Variants in GLG1 observed in about 807,000 individuals in gnomAD.
The protein encoded by GLG1 is Golgi apparatus protein 1.
Under a neutral mutation model 160.5 loss-of-function variants are expected in GLG1, and 38 were observed. The ratio of observed to expected loss-of-function variants is 0.24; its 90% CI spans 0.18 to 0.31. The LOEUF (loss-of-function observed/expected upper bound fraction) is 0.31, where lower values mean the gene tolerates loss of function less well. Ranked by LOEUF, GLG1 falls within the 10% of genes least tolerant of loss-of-function variation. The pLI is 1.00. For synonymous variants in GLG1, 644 were observed against 543.4 expected (o/e 1.19, Z -2.57); for missense variants, 1,373 against 1,505.2 (o/e 0.91, Z 1.45).
intron 2 of GLG1, among the ~76,000 whole-genome samples, chr16:74,516,712 G>A (rs2016989043): frequency 3.3e-5 from 5 of 152,166 alleles, no homozygotes. Flanking sequence ...GATCGGAGCA[G>A]AACTGAAGGA....
intron 1 of GLG1, among the ~76,000 whole-genome samples, chr16:74,540,235 A>G (rs1453144051): frequency 7.2e-6 from 1 of 138,752 alleles, no homozygotes; most frequent in Non-Finnish European, 1.5e-5. Flanking sequence ...TATAATATTT[A>G]TTAATCCATG....
intron 2 of GLG1, among the ~76,000 whole-genome samples, chr16:74,510,608 T>C (rs1249069700): frequency 2.6e-5 from 4 of 152,146 alleles, no homozygotes; most frequent in East Asian, 1.9e-4. Context: ...TATATACTCC[T>C]AGACAAAAAA....
chr16:74,564,538 T>C (rs1319780211), intron 1 of GLG1, among the ~76,000 whole-genome samples: 2 of 152,104 alleles, frequency 1.3e-5, no homozygotes, highest in Non-Finnish European at 2.9e-5. Context: ...TGATAAACAC[T>C]CAAAGACATG....
chr16:74,533,403 T>C (rs1214260893), intron 1 of GLG1, among the ~76,000 whole-genome samples: 1 of 152,250 alleles, frequency 6.6e-6, no homozygotes, highest in Non-Finnish European at 1.5e-5. Flanking sequence ...TAGTATTACA[T>C]AGCTTTGCAA....
At position 74,498,466 on chromosome 16, in the gene GLG1, ATTATATTT is replaced by A. The variant is rs1277153019; in HGVS notation, c.775-1830_775-1823del. Among the ~76,000 whole-genome samples, 343 of 86,598 alleles carry A rather than the reference ATTATATTT, an allele frequency of 4.0e-3. 13 individuals carry two copies. Among genetic ancestry groups the A allele is most frequent in the African/African-American group, 0.014 (294 of 21,378 alleles). The allele number at this position is 86,598 out of a possible 152,430, so 56.8% of individuals were successfully genotyped here. A position where few individuals can be genotyped will look rare whatever the true frequency, so the allele number is the denominator to read the frequency against. On this transcript the variant is annotated intron_variant, in intron 4 of 25. Transcript: ENST00000422840. ...AAAAAAAGTATATATATATATATATATTATATTTTATATATATATTTTATATATAGTGC... is the reference window on the plus strand; with the variant it reads ...AAAAAAAGTATATATATATATATATATATATATATATTTTATATATAGTGC...
At chr16:74,492,135 C>T (rs1486446393) in intron 7 of GLG1, among the ~76,000 whole-genome samples, 2 of 150,718 alleles carry the variant, frequency 1.3e-5, no homozygotes, top group Non-Finnish European at 3.0e-5. Context: ...GCCTGTAATC[C>T]CAGCACTTTG....
In GLG1 at chr16:74,451,494, G is replaced by T. The variant is rs1406195969; in HGVS notation, c.*1673C>A. On this transcript the variant is annotated 3_prime_UTR_variant, in exon 26 of 26. Transcript: ENST00000422840. The stretch of plus-strand genomic sequence containing the variant: ...TCCACAAACTGACACGCCTTGTACT[G>T]AACACCCTTCAGGGAAGACATGTGT... 6.5e-6 allele frequency: 1 copy of T among 152,968 alleles called. No homozygotes were observed. Among genetic ancestry groups the T allele is most frequent in the African/African-American group, 2.4e-5 (1 of 41,452 alleles). 9.5% of individuals were successfully genotyped at this position (152,968 alleles called of 1,614,324 possible).
At chr16:74,565,205 T>C (rs35253850) in intron 1 of GLG1, among the ~76,000 whole-genome samples, 25,246 of 152,074 alleles carry the variant, frequency 0.17, 2,319 homozygotes, top group Middle Eastern at 0.23. Context: ...AGCACACGCC[T>C]ATAATCCCAG....
chr16:74,465,854 G>C (rs368303624), intron 18 of GLG1, 41 bp from the exon 19 acceptor site: 21 of 1,579,688 alleles, frequency 1.3e-5, no homozygotes, highest in African/African-American at 1.2e-4. Context: ...AGATGTCAGA[G>C]ACTGCTCATC....
intron 1 of GLG1, among the ~76,000 whole-genome samples, chr16:74,546,259 C>T (rs1297332043): frequency 5.3e-5 from 8 of 151,994 alleles, no homozygotes; most frequent in East Asian, 1.9e-4. Context: ...AGCAACATGG[C>T]GAAACCCTGT....
chr16:74,474,660 A>G (rs762564117), intron 12 of GLG1, 28 bp from the exon 13 acceptor site: 1 of 1,042,482 alleles, frequency 9.6e-7, no homozygotes, highest in Non-Finnish European at 1.5e-6. Flanking sequence ...AGCCACTGGC[A>G]TTTATCAGTC....
chr16:74,456,989 G>T (rs1284297706), intron 24 of GLG1, among the ~76,000 whole-genome samples: 3 of 152,208 alleles, frequency 2.0e-5, no homozygotes, highest in Non-Finnish European at 2.9e-5. Context: ...TTTAGAGCCA[G>T]GTGTGGTGGC....
chr16:74,518,930 T>C (rs2143543799), intron 2 of GLG1, among the ~76,000 whole-genome samples: 2 of 152,278 alleles, frequency 1.3e-5, no homozygotes, highest in East Asian at 3.9e-4. Context: ...ACTGTGATGA[T>C]TCCTCAAGGA....
At chr16:74,543,672 T>C (rs907227175) in intron 1 of GLG1, among the ~76,000 whole-genome samples, 1 of 152,198 alleles carries the variant, frequency 6.6e-6, no homozygotes, top group African/African-American at 2.4e-5. Flanking sequence ...GAAATACTGA[T>C]AAACTAATCT....
intron 1 of GLG1, among the ~76,000 whole-genome samples, chr16:74,536,897 C>A (rs1343071454): frequency 1.3e-5 from 2 of 152,124 alleles, no homozygotes; most frequent in Admixed American, 1.3e-4. Flanking sequence ...TGGCTCCTAG[C>A]CTGTGGAGGC....
chr16:74,463,621 C>A, intron 19 of GLG1, 142 bp from the exon 20 acceptor site: 1 of 752,062 alleles, frequency 1.3e-6, no homozygotes, highest in Non-Finnish European at 2.2e-6. Context: ...TTACTGCAAC[C>A]TCCGCCTCCC....
chr16:74,568,102 C>G (rs925329015), intron 1 of GLG1, among the ~76,000 whole-genome samples: 1 of 152,146 alleles, frequency 6.6e-6, no homozygotes, highest in Non-Finnish European at 1.5e-5. Context: ...CATGGAGGAA[C>G]AGGAATAAAA....
chr16:74,491,914 A>G (rs2016007307), intron 7 of GLG1, among the ~76,000 whole-genome samples: 1 of 150,724 alleles, frequency 6.6e-6, no homozygotes, highest in Admixed American at 6.6e-5. Flanking sequence ...AGCGTGAGCC[A>G]CCGCGCCTGG....
intron 3 of GLG1, among the ~76,000 whole-genome samples, chr16:74,508,272 T>A (rs8044227): frequency 0.96 from 144,005 of 149,500 alleles, 69,577 homozygotes; most frequent in Non-Finnish European, 1. Flanking sequence ...CATATTTCAG[T>A]ATGCAGAAAC....
Sources: allele counts gnomAD v4.1 joint callset (sites outside exome capture counted in the v4.1 genomes callset), GRCh38; gene constraint gnomAD v4.1.1; transcripts MANE v1.5; gene names NCBI Gene and HGNC (gene_info 2026-07-23, HGNC 2026-07-21).